The following CCNT2 variants were observed in gnomAD, a reference collection of about 807,000 sequenced individuals.
CCNT2 encodes the protein cyclin-T2.
CCNT2 carries 18 observed loss-of-function variants against 70.0 expected under a neutral mutation model. That is an observed-to-expected ratio of 0.26 (90% CI 0.18 to 0.38). CCNT2 has a LOEUF of 0.38. Ranked by LOEUF, CCNT2 falls within the 10% of genes least tolerant of loss-of-function variation. The pLI is 1.00. For synonymous variants in CCNT2, 334 were observed against 313.3 expected (o/e 1.07, Z -0.70); for missense variants, 734 against 890.2 (o/e 0.82, Z 2.23).
intron 4 of CCNT2, among the ~76,000 whole-genome samples, chr2:134,940,631 T>C (rs1681510656): frequency 6.6e-6 from 1 of 152,222 alleles, no homozygotes. Context: ...AGCTCACATG[T>C]TATGAGTATC....
At position 134,954,595 on chromosome 2, in the gene CCNT2, GAC is replaced by G. The variant is rs1266031052; in HGVS notation, c.2144_2145del (p.Thr715IlefsTer42). ...AAGCAGCCAGCATATGGACTACAAAGACACATTCGACATGCTGGACTCACTGT... is the reference window on the plus strand; with the variant it reads ...AAGCAGCCAGCATATGGACTACAAAGACATTCGACATGCTGGACTCACTGT... ...STSSQHMDYK[D>X]TFDMLDSLLS... On this transcript the variant is annotated frameshift_variant, in exon 9 of 9. Transcript: ENST00000264157. LOFTEE classifies it high-confidence loss of function. 13 of 1,614,006 alleles carry G rather than the reference GAC, an allele frequency of 8.1e-6. No individual in the cohort carries two copies. The highest frequency in any genetic ancestry group is 1.1e-5 in the Non-Finnish European group (13 of 1,179,874).
intron 2 of CCNT2, among the ~76,000 whole-genome samples, chr2:134,934,062 G>A (rs1467156743): frequency 6.6e-6 from 1 of 152,140 alleles, no homozygotes; most frequent in Non-Finnish European, 1.5e-5. Context: ...TTTCTATAGA[G>A]AAATTCCACA....
chr2:134,919,930 G>T (rs773412484), intron 2 of CCNT2, 39 bp downstream of exon 2: 2 of 1,421,478 alleles, frequency 1.4e-6, no homozygotes, highest in African/African-American at 1.4e-5. Flanking sequence ...CCGCAAATTT[G>T]AGGGTAAATC....
intron 2 of CCNT2, among the ~76,000 whole-genome samples, chr2:134,929,280 A>T (rs1281310134): frequency 1.3e-5 from 2 of 151,840 alleles, no homozygotes; most frequent in African/African-American, 4.8e-5. Context: ...GTTTCCTTGA[A>T]ATTTCTTTTG....
intron 5 of CCNT2, chr2:134,944,545 T>C: frequency 1.0e-6 from 1 of 969,972 alleles, no homozygotes; most frequent in Non-Finnish European, 1.2e-6. Flanking sequence ...ATAGTAACTT[T>C]TAAAACATTT....
intron 1 of CCNT2, 91 bp from the exon 2 acceptor site, chr2:134,919,719 T>C: frequency 1.1e-6 from 1 of 938,010 alleles, no homozygotes; most frequent in Non-Finnish European, 1.7e-6. Flanking sequence ...GAATGGGAGG[T>C]ATTGGAAAAG....
intron 7 of CCNT2, among the ~76,000 whole-genome samples, chr2:134,950,649 A>AT (rs1194003031): frequency 6.6e-6 from 1 of 152,172 alleles, no homozygotes; most frequent in African/African-American, 2.4e-5. Flanking sequence ...GGAAAAAAAA[A>AT]GACATGAAGA....
chr2:134,936,343 G>A (rs1205074322), intron 2 of CCNT2, among the ~76,000 whole-genome samples: 2 of 151,866 alleles, frequency 1.3e-5, no homozygotes, highest in Non-Finnish European at 2.9e-5. Flanking sequence ...TTATAGATTA[G>A]TTCTATTTAA....
At position 134,956,878 on chromosome 2, in the gene CCNT2, C is replaced by T. The variant is rs1349566632; in HGVS notation, c.*2230C>T. The T allele has an allele frequency of 6.6e-6, 1 of 152,480 alleles. No homozygotes were observed. The highest frequency in any genetic ancestry group is 2.4e-5 in the African/African-American group (1 of 41,420). 9.4% of individuals were successfully genotyped at this position (152,480 alleles called of 1,614,324 possible). A position where few individuals can be genotyped will look rare whatever the true frequency, so the allele number is the denominator to read the frequency against. ...TAATGATGGACAGTTAAAAAGATAGCTAGTGTATATTGTTATGGGTCAGTA... is the reference window on the plus strand; with the variant it reads ...TAATGATGGACAGTTAAAAAGATAGTTAGTGTATATTGTTATGGGTCAGTA... On this transcript the variant is annotated 3_prime_UTR_variant, in exon 9 of 9. Coordinates refer to ENST00000264157, the MANE Select transcript of CCNT2 (RefSeq NM_058241.3).
chr2:134,952,876 A>G, intron 8 of CCNT2, 165 bp downstream of exon 8: 1 of 566,064 alleles, frequency 1.8e-6, no homozygotes, highest in Non-Finnish European at 3.1e-6. Flanking sequence ...AGTCCAGTGG[A>G]CTTTGCTAAA....
At chr2:134,930,729 A>G (rs914309393) in intron 2 of CCNT2, among the ~76,000 whole-genome samples, 5 of 151,038 alleles carry the variant, frequency 3.3e-5, no homozygotes, top group Non-Finnish European at 5.9e-5. Context: ...GATATCCCCT[A>G]TTCTATGCAT....
At chr2:134,949,194 T>C (rs964801901) in intron 7 of CCNT2, among the ~76,000 whole-genome samples, 1 of 152,074 alleles carries the variant, frequency 6.6e-6, no homozygotes, top group Non-Finnish European at 1.5e-5. Flanking sequence ...CTAAGTTTTG[T>C]ATTTTTAGTA....
rs1244934729 is a variant in CCNT2, at chr2:134,956,223, A to G, written c.*1575A>G. On this transcript the variant is annotated 3_prime_UTR_variant, in exon 9 of 9. Coordinates refer to ENST00000264157, the MANE Select transcript of CCNT2 (RefSeq NM_058241.3). ...GCACAATTGTAATTAAGTATGTTGCAGTTGTAAATATTAGAGTTTAATCTC... is the reference window on the plus strand; with the variant it reads ...GCACAATTGTAATTAAGTATGTTGCGGTTGTAAATATTAGAGTTTAATCTC... 6 of 152,630 alleles carry G rather than the reference A, an allele frequency of 3.9e-5. No individual in the cohort carries two copies. Among genetic ancestry groups the G allele is most frequent in the Admixed American group, 3.9e-4 (6 of 15,274 alleles). 9.5% of individuals were successfully genotyped at this position (152,630 alleles called of 1,614,324 possible).
rs1476461584 is a variant in CCNT2, at chr2:134,956,502, GTTATAC to G, written c.*1857_*1862del. ...CCATAAACATGGTAATTTTGATACA[GTTATAC>G]TTTTACAGTGGTACATAATCCAAGG... On this transcript the variant is annotated 3_prime_UTR_variant, in exon 9 of 9. Transcript: ENST00000264157. 6.6e-6 allele frequency: 1 copy of G among 152,338 alleles called. No individual in the cohort carries two copies. Among genetic ancestry groups the G allele is most frequent in the East Asian group, 1.9e-4 (1 of 5,188 alleles). 9.4% of individuals were successfully genotyped at this position (152,338 alleles called of 1,614,324 possible). A position where few individuals can be genotyped will look rare whatever the true frequency, so the allele number is the denominator to read the frequency against.
At chr2:134,952,618 T>G (rs1200374250) in intron 7 of CCNT2, 23 bp from the exon 8 acceptor site, 4 of 1,483,268 alleles carry the variant, frequency 2.7e-6, no homozygotes, top group South Asian at 1.2e-5. Context: ...CTTCTAAGTT[T>G]CAAATTTAAA....
chr2:134,937,691 G>A (rs1050260418), intron 3 of CCNT2, among the ~76,000 whole-genome samples: 1 of 152,098 alleles, frequency 6.6e-6, no homozygotes, highest in Non-Finnish European at 1.5e-5. Context: ...CGAGGCAGGC[G>A]GATCACCTGA....
intron 4 of CCNT2, among the ~76,000 whole-genome samples, chr2:134,941,388 G>A (rs1473045671): frequency 6.6e-6 from 1 of 152,096 alleles, no homozygotes; most frequent in Non-Finnish European, 1.5e-5. Context: ...TAAAAATACA[G>A]TATATGATAC....
rs956606474 is a variant in CCNT2, at chr2:134,954,756, C to G, written c.*108C>G. The G allele has an allele frequency of 9.0e-6, 6 of 665,684 alleles. No individual in the cohort carries two copies. The Admixed American group carries it at 1.3e-4, about 14-fold the overall frequency. The allele number at this position is 665,684 out of a possible 1,614,324, so 41.2% of individuals were successfully genotyped here. On this transcript the variant is annotated 3_prime_UTR_variant, in exon 9 of 9. Coordinates refer to ENST00000264157, the MANE Select transcript of CCNT2 (RefSeq NM_058241.3). ...GTAACCCCTGCTGTTGCTGCCACTG[C>G]TTCAATATTTGTAAGTGCTGCTTTA...
chr2:134,943,914 A>C (rs1041234167), intron 5 of CCNT2: 2 of 967,694 alleles, frequency 2.1e-6, no homozygotes, highest in Non-Finnish European at 2.5e-6. Context: ...ACTTTTGAAA[A>C]TCTTTTGTTT....
Sources: allele counts gnomAD v4.1 joint callset (sites outside exome capture counted in the v4.1 genomes callset), GRCh38; gene constraint gnomAD v4.1.1; transcripts MANE v1.5; gene names NCBI Gene and HGNC (gene_info 2026-07-23, HGNC 2026-07-21).